Variants in CDH12 observed in about 807,000 individuals in gnomAD.
The protein encoded by CDH12 is cadherin 12.
A neutral mutation model predicts 74.1 loss-of-function variants in CDH12; 41 were observed. The ratio of observed to expected loss-of-function variants is 0.55; its 90% CI spans 0.43 to 0.72. The LOEUF (loss-of-function observed/expected upper bound fraction) is 0.72. Ranked by LOEUF, CDH12 falls within the 30% of genes least tolerant of loss-of-function variation. CDH12 has a pLI of 0.00. For missense variants in CDH12, 945 were observed against 977.2 expected (o/e 0.97, Z 0.44); for synonymous variants, 399 against 355.0 (o/e 1.12, Z -1.39).
intron 4 of CDH12, among the ~76,000 whole-genome samples, chr5:22,165,839 C>T (rs1474985692): frequency 1.3e-5 from 2 of 152,190 alleles, no homozygotes; most frequent in Non-Finnish European, 2.9e-5. Context: ...TACACTTCCA[C>T]CAGCGCTAGG....
At chr5:22,237,374 A>G (rs967783926) in intron 3 of CDH12, among the ~76,000 whole-genome samples, 3 of 152,024 alleles carry the variant, frequency 2.0e-5, no homozygotes, top group Non-Finnish European at 4.4e-5. Context: ...GTGTTTGTGT[A>G]CCCCCAAATT....
chr5:22,048,642 G>C (rs1056195378), intron 5 of CDH12, among the ~76,000 whole-genome samples: 9 of 152,064 alleles, frequency 5.9e-5, no homozygotes, highest in Non-Finnish European at 1.0e-4. Flanking sequence ...ATATCAAGTG[G>C]GGGTTGGGGG....
intron 6 of CDH12, among the ~76,000 whole-genome samples, chr5:21,856,416 C>A (rs1268875168): frequency 6.6e-6 from 1 of 151,638 alleles, no homozygotes; most frequent in Non-Finnish European, 1.5e-5. Context: ...AATTGAAAAA[C>A]TATAAATTGT....
chr5:22,402,873 T>C (rs540881688), intron 3 of CDH12, among the ~76,000 whole-genome samples: 1 of 152,292 alleles, frequency 6.6e-6, no homozygotes, highest in South Asian at 2.1e-4. Flanking sequence ...GATCACTTCA[T>C]ACATAGTAGA....
At chr5:22,049,660 C>T (rs1168319014) in intron 5 of CDH12, among the ~76,000 whole-genome samples, 1 of 152,252 alleles carries the variant, frequency 6.6e-6, no homozygotes, top group Non-Finnish European at 1.5e-5. Flanking sequence ...CTAAAATTCT[C>T]TCTTCATTAA....
chr5:21,809,920 TTGCC>T (rs2149935000), intron 9 of CDH12, among the ~76,000 whole-genome samples: 1 of 152,156 alleles, frequency 6.6e-6, no homozygotes, highest in African/African-American at 2.4e-5. Context: ...GTGATCAACT[TTGCC>T]TGAGGGACTC....
At chr5:22,352,152 CA>C (rs1299175504) in intron 3 of CDH12, among the ~76,000 whole-genome samples, 4 of 151,108 alleles carry the variant, frequency 2.6e-5, no homozygotes, top group Non-Finnish European at 5.9e-5. Flanking sequence ...TTTGGAAACC[CA>C]GCAGACTTTT....
At chr5:22,782,464 A>G (rs988175443) in intron 1 of CDH12, among the ~76,000 whole-genome samples, 1 of 152,090 alleles carries the variant, frequency 6.6e-6, no homozygotes, top group African/African-American at 2.4e-5. Context: ...TGAAGAGGGT[A>G]CTTGCTTCTC....
In CDH12 at chr5:21,919,725, G is replaced by C. The variant is rs111282101; in HGVS notation, c.526+55366C>G. ...TTAAATCTAAAAGTCAACAATATCT[G>C]TGAAGAATCATTTAGATGCATTAAA... is the stretch of plus-strand genomic sequence containing the variant. On this transcript the variant is annotated intron_variant, in intron 6 of 14. Coordinates refer to ENST00000382254, the MANE Select transcript of CDH12 (RefSeq NM_004061.5). Among the ~76,000 whole-genome samples the C allele has an allele frequency of 2.8e-3, 427 of 152,244 alleles. 4 individuals are homozygous for C. Among genetic ancestry groups the C allele is most frequent in the African/African-American group, 9.6e-3 (400 of 41,538 alleles).
intron 8 of CDH12, among the ~76,000 whole-genome samples, chr5:21,833,057 G>GTTATATAACATATAATATATATTATATA (rs1749186495): frequency 4.1e-5 from 2 of 48,434 alleles, no homozygotes; most frequent in East Asian, 7.4e-4. Context: ...TATATTATAT[G>GTTATATAACATATAATATATATTATATA]TTATATAACA....
At chr5:22,507,199 T>A (rs10040210) in intron 1 of CDH12, among the ~76,000 whole-genome samples, 1 of 151,966 alleles carries the variant, frequency 6.6e-6, no homozygotes, top group East Asian at 1.9e-4. Flanking sequence ...ACTGCAACAA[T>A]AAAAAGGACT....
At chr5:22,435,799 C>G (rs189857672) in intron 2 of CDH12, among the ~76,000 whole-genome samples, 1 of 151,952 alleles carries the variant, frequency 6.6e-6, no homozygotes, top group Non-Finnish European at 1.5e-5. Flanking sequence ...TCACCTGGCA[C>G]CTCCCAGATC....
chr5:21,777,834 A>G (rs1745679466), intron 11 of CDH12, among the ~76,000 whole-genome samples: 1 of 152,082 alleles, frequency 6.6e-6, no homozygotes, highest in South Asian at 2.1e-4. Context: ...GACAGATACA[A>G]CTGTATGTAT....
intron 1 of CDH12, among the ~76,000 whole-genome samples, chr5:22,688,415 C>A (rs1173832542): frequency 1.3e-5 from 2 of 152,138 alleles, no homozygotes; most frequent in African/African-American, 2.4e-5. Flanking sequence ...ATTTTCACAT[C>A]TTTTGAATTT....
At chr5:21,989,306 T>C (rs1364537559) in intron 5 of CDH12, among the ~76,000 whole-genome samples, 3 of 152,214 alleles carry the variant, frequency 2.0e-5, no homozygotes, top group Non-Finnish European at 2.9e-5. Flanking sequence ...TATTAGTAAA[T>C]TCTTCCCACA....
At chr5:22,027,526 T>C (rs1001649367) in intron 5 of CDH12, among the ~76,000 whole-genome samples, 6 of 152,218 alleles carry the variant, frequency 3.9e-5, no homozygotes, top group African/African-American at 1.4e-4. Flanking sequence ...TTCAACTTCT[T>C]CCTGGTTTAG....
At chr5:22,742,281 A>G (rs572157688) in intron 1 of CDH12, among the ~76,000 whole-genome samples, 1 of 152,188 alleles carries the variant, frequency 6.6e-6, no homozygotes, top group East Asian at 1.9e-4. Flanking sequence ...GAAAAACAAG[A>G]ACAAGGGGTT....
At chr5:22,212,878 G>GGCACCAA (rs1751623911) in intron 3 of CDH12, 1 of 152,132 alleles carries the variant, frequency 6.6e-6, no homozygotes, top group Admixed American at 6.5e-5. Context: ...AACTGGAAAA[G>GGCACCAA]GCACCAAGGC....
intron 3 of CDH12, among the ~76,000 whole-genome samples, chr5:22,283,674 A>T (rs1178619750): frequency 6.6e-6 from 1 of 152,064 alleles, no homozygotes; most frequent in African/African-American, 2.4e-5. Flanking sequence ...AGAAGGAATA[A>T]TAGATCCAGA....
Sources: allele counts gnomAD v4.1 joint callset (sites outside exome capture counted in the v4.1 genomes callset), GRCh38; gene constraint gnomAD v4.1.1; transcripts MANE v1.5; gene names NCBI Gene and HGNC (gene_info 2026-07-23, HGNC 2026-07-21).